Variants in KRT32 observed in about 807,000 individuals in gnomAD.
KRT32 encodes the protein keratin 32.
A neutral mutation model predicts 41.8 loss-of-function variants in KRT32; 44 were observed. The ratio of observed to expected loss-of-function variants is 1.05; its 90% confidence interval spans 0.83 to 1.35. The LOEUF is 1.35. Among genes scored for constraint, KRT32 ranks in the 40% most tolerant of loss-of-function variants. The pLI is 0.00. For synonymous variants in KRT32, 238 were observed against 242.5 expected (o/e 0.98, Z 0.17); for missense variants, 576 against 584.6 (o/e 0.99, Z 0.15).
At position 41,463,010 on chromosome 17, in the gene KRT32, C is replaced by T. The variant is rs933069187; in HGVS notation, c.1037G>A (p.Arg346His). Reference sequence around the variant, plus strand: ...CATCTGGGCCAGCTGGGAGCTGTAGCGGGCCTCACTCTCCGTCAGCGTGTT... The same window carrying T: ...CATCTGGGCCAGCTGGGAGCTGTAGTGGGCCTCACTCTCCGTCAGCGTGTT... ...LENTLTESEA[R>H]YSSQLAQMQC... Residue 346 changes from arginine to histidine, a missense_variant, in exon 6 of 7, where the codon CGC (arginine) becomes CAC (histidine). Coordinates refer to ENST00000225899, the MANE Select transcript of KRT32 (RefSeq NM_002278.3). The T allele has an allele frequency of 3.7e-6, 6 of 1,613,926 alleles. No individual in the cohort carries two copies. Among genetic ancestry groups the T allele is most frequent in the Non-Finnish European group, 5.1e-6 (6 of 1,179,940 alleles).
Position 41,465,779 on chromosome 17 carries a change from A to T in KRT32, c.702T>A (p.His234Gln), listed in dbSNP as rs751869334. ...GCGGGACTTCCAGCCTCACCTCCTCATGGTTCTTTTTGAGGCACATCAGCT... is the reference window on the plus strand; with the variant it reads ...GCGGGACTTCCAGCCTCACCTCCTCTTGGTTCTTTTTGAGGCACATCAGCT... ...KEELMCLKKN[H>Q]EEEVGSLRCQ... Residue 234 changes from histidine (H) to glutamine (Q), a missense_variant, in exon 3 of 7, where the codon CAT becomes CAA. By Grantham distance (24) the His-to-Gln change is conservative. Transcript: ENST00000225899. The T allele has an allele frequency of 6.2e-7, 1 of 1,609,958 alleles. No homozygotes were observed. Among genetic ancestry groups the T allele is most frequent in the Non-Finnish European group, 8.5e-7 (1 of 1,178,032 alleles).
intron 2 of KRT32, 66 bp from the exon 3 acceptor site, chr17:41,465,995 C>A: frequency 6.2e-7 from 1 of 1,601,918 alleles, no homozygotes; most frequent in Non-Finnish European, 8.5e-7. Flanking sequence ...AGGCCTTAAA[C>A]TGCCGGCACT....
chr17:41,466,386 G>T (rs1026469884), intron 1 of KRT32, among the ~76,000 whole-genome samples: 1 of 152,162 alleles, frequency 6.6e-6, no homozygotes, highest in African/African-American at 2.4e-5. Context: ...CTGAAGCTTC[G>T]TAAATTCAAA....
chr17:41,466,886 A>C lies in KRT32; in HGVS notation c.440T>G (p.Phe147Cys). 2 of 1,613,974 alleles carry C rather than the reference A, an allele frequency of 1.2e-6. No individual in the cohort carries two copies. Among genetic ancestry groups the C allele is most frequent in the Non-Finnish European group, 1.7e-6 (2 of 1,179,852 alleles). Residue 147 changes from phenylalanine to cysteine, a missense_variant, in exon 1 of 7, where the codon TTC becomes TGC. Phe to Cys is a radical substitution (Grantham distance 205). Coordinates refer to ENST00000225899, the MANE Select transcript of KRT32 (RefSeq NM_002278.3). ...CTGCTGGAGCTCCTCAATGGTCCTG[A>C]AATGAGACTGGTAGTCAGGAGTCAT... The part of the protein sequence containing the change: ...LTMTPDYQSH[F>C]RTIEELQQKI...
Position 41,464,369 on chromosome 17 carries a change from C to G in KRT32, c.783G>C (p.Leu261=), listed in dbSNP as rs1381037138. The change falls in exon 4 of 7, where the codon CTG becomes CTC. Residue 261 remains leucine, a synonymous_variant. Coordinates refer to ENST00000225899, the MANE Select transcript of KRT32 (RefSeq NM_002278.3). ...ACCGCATCTCCTCCAGCACCCTGGTCAGGTCCACCGGGGGTGCAGCGTCCA... is the reference window on the plus strand; with the variant it reads ...ACCGCATCTCCTCCAGCACCCTGGTGAGGTCCACCGGGGGTGCAGCGTCCA... ...IEVDAAPPVD[L]TRVLEEMRCQ... 6 of 1,612,316 alleles carry G rather than the reference C, an allele frequency of 3.7e-6. No homozygotes were observed. Among genetic ancestry groups the G allele is most frequent in the Non-Finnish European group, 1.7e-6 (2 of 1,179,072 alleles).
chr17:41,467,167 G>A lies in KRT32; in HGVS notation c.159C>T (p.Pro53=), dbSNP rs2019078789. Residue 53 remains proline (P), a synonymous_variant, in exon 1 of 7, where the codon CCC becomes CCT. Coordinates refer to ENST00000225899, the MANE Select transcript of KRT32 (RefSeq NM_002278.3). ...PMACLPSVCL[P]TTFRPASCLS... ...GGCAGCTGGCTGGCCGGAAGGTGGT[G>A]GGCAGGCAGACCGAAGGCAGGCATG... The A allele has an allele frequency of 1.9e-6, 3 of 1,614,084 alleles. No individual in the cohort carries two copies. The highest frequency in any genetic ancestry group is 1.3e-5 in the African/African-American group (1 of 75,070).
intron 3 of KRT32, among the ~76,000 whole-genome samples, chr17:41,464,654 T>C (rs2019047708): frequency 6.6e-6 from 1 of 152,124 alleles, no homozygotes; most frequent in African/African-American, 2.4e-5. Context: ...ACACAACACT[T>C]CCTATCACTT....
chr17:41,460,106 G>A lies in KRT32; in HGVS notation c.*4C>T, dbSNP rs1438470767. The A allele has an allele frequency of 2.5e-6, 4 of 1,600,008 alleles. No homozygotes were observed. In the East Asian group the frequency reaches 9.0e-5, roughly 36 times the overall value. Reference sequence around the variant, plus strand: ...CCTCCAGGATCCACTGGCACAAAGGGACTTCAGTAGCGGCCCTGGGGGCAG... The same window carrying A: ...CCTCCAGGATCCACTGGCACAAAGGAACTTCAGTAGCGGCCCTGGGGGCAG... On this transcript the variant is annotated 3_prime_UTR_variant, in exon 7 of 7. Coordinates refer to ENST00000225899, the MANE Select transcript of KRT32 (RefSeq NM_002278.3).
rs1163393704 is a variant in KRT32 at position 41,467,103 on chromosome 17, T to C, written c.223A>G (p.Ser75Gly). Residue 75 changes from serine to glycine, a missense_variant, in exon 1 of 7, where the codon AGT (serine) becomes GGT (glycine). Transcript: ENST00000225899. ...GGGCCCATGGAGCCGGAGATGCCAC[T>C]GGCTGCCTGGCAGGAACTGGATAGA... Reference protein sequence around the residue: ...TYLSSSCQAASGISGSMGPGS... With the variant: ...TYLSSSCQAAGGISGSMGPGS... 7.4e-6 allele frequency: 12 copies of C among 1,614,194 alleles called. No homozygotes were observed. The highest frequency in any genetic ancestry group is 1.0e-5 in the Non-Finnish European group (12 of 1,180,028).
chr17:41,467,117 G>A lies in KRT32; in HGVS notation c.209C>T (p.Ser70Phe), dbSNP rs1405320045. 1.9e-6 allele frequency: 3 copies of A among 1,614,082 alleles called. No homozygotes were observed. Among genetic ancestry groups the A allele is most frequent in the Admixed American group, 1.7e-5 (1 of 60,014 alleles). Residue 70 changes from serine (S) to phenylalanine (F), a missense_variant, in exon 1 of 7, where the codon TCC becomes TTC. By Grantham distance (155) the Ser-to-Phe change is radical. Coordinates refer to ENST00000225899, the MANE Select transcript of KRT32 (RefSeq NM_002278.3). ...SCLSKTYLSSSCQAASGISGS... is the reference protein window; with the variant it reads ...SCLSKTYLSSFCQAASGISGS... ...GGAGATGCCACTGGCTGCCTGGCAG[G>A]AACTGGATAGATAGGTTTTGGAGAG...
At chr17:41,462,402 T>A (rs1373728523) in intron 6 of KRT32, among the ~76,000 whole-genome samples, 1 of 152,202 alleles carries the variant, frequency 6.6e-6, no homozygotes, top group Non-Finnish European at 1.5e-5. Context: ...GAGGTGAGGC[T>A]GGGGTAAGAG....
At position 41,463,218 on chromosome 17, in the gene KRT32, T is replaced by A. The variant is rs148188813; in HGVS notation, c.997-168A>T. On this transcript the variant is annotated intron_variant, in intron 5 of 6. Coordinates refer to ENST00000225899, the MANE Select transcript of KRT32 (RefSeq NM_002278.3). Reference sequence around the variant, plus strand: ...AAAGGTCAAATGACTTGTTCAAGGGTAAACAGCTGGTACATTATGGAACCA... The same window carrying A: ...AAAGGTCAAATGACTTGTTCAAGGGAAAACAGCTGGTACATTATGGAACCA... Among the ~76,000 whole-genome samples, 103 of 152,318 alleles carry A rather than the reference T, an allele frequency of 6.8e-4. 1 individual carries two copies. The highest frequency in any genetic ancestry group is 2.4e-3 in the African/African-American group (99 of 41,552).
Position 41,467,042 on chromosome 17 carries a change from T to A in KRT32, c.284A>T (p.Asn95Ile), listed in dbSNP as rs775357659. The change falls in exon 1 of 7, where the codon AAT (asparagine) becomes ATT (isoleucine). Residue 95 changes from asparagine to isoleucine, a missense_variant. Coordinates refer to ENST00000225899, the MANE Select transcript of KRT32 (RefSeq NM_002278.3). Reference protein sequence around the residue: ...SWYSEGAFNGNEKETMQFLND... With the variant: ...SWYSEGAFNGIEKETMQFLND... ...AAGGAACTGCATGGTTTCCTTCTCA[T>A]TGCCATTGAAGGCCCCTTCGCTGTA... 4 of 1,614,260 alleles carry A rather than the reference T, an allele frequency of 2.5e-6. No homozygotes were observed. In the Admixed American group the frequency reaches 6.7e-5, roughly 27 times the overall value.
intron 3 of KRT32, among the ~76,000 whole-genome samples, chr17:41,465,261 A>G (rs1227818746): frequency 1.3e-5 from 2 of 152,236 alleles, no homozygotes; most frequent in South Asian, 2.1e-4. Context: ...GGGCAAAAAG[A>G]GGAGACCACT....
chr17:41,465,713 T>C, intron 3 of KRT32, 60 bp downstream of exon 3: 1 of 1,558,312 alleles, frequency 6.4e-7, no homozygotes, highest in Admixed American at 1.8e-5. Context: ...TCCAACCCCA[T>C]ACCCCACGTT....
Position 41,459,570 on chromosome 17 carries a change from G to A in KRT32, c.*540C>T, listed in dbSNP as rs2018978925. On this transcript the variant is annotated 3_prime_UTR_variant, in exon 7 of 7. Transcript: ENST00000225899. ...TTCTCAATTACAGTAATTTGGCCTA[G>A]GTTTCTGGCATAATTATCTCCCTCC... 6.6e-6 allele frequency among the ~76,000 whole-genome samples: 1 copy of A among 152,144 alleles called. No individual in the cohort carries two copies. Among genetic ancestry groups the A allele is most frequent in the Non-Finnish European group, 1.5e-5 (1 of 68,028 alleles).
chr17:41,463,986 T>G, intron 5 of KRT32, 92 bp downstream of exon 5: 2 of 1,281,446 alleles, frequency 1.6e-6, no homozygotes, highest in Non-Finnish European at 2.0e-6. Flanking sequence ...GGCTGAAATC[T>G]GAGCCTCCTC....
chr17:41,466,214 T>A, intron 1 of KRT32, 38 bp from the exon 2 acceptor site: 6 of 1,572,438 alleles, frequency 3.8e-6, no homozygotes, highest in Non-Finnish European at 5.2e-6. Flanking sequence ...TAGTTCAGGA[T>A]GAGACGAAGC....
chr17:41,460,229 T>A lies in KRT32; in HGVS notation c.1228A>T (p.Asn410Tyr). 6.2e-7 allele frequency: 1 copy of A among 1,600,798 alleles called. No homozygotes were observed. The highest frequency in any genetic ancestry group is 8.5e-7 in the Non-Finnish European group (1 of 1,173,528). ...GTGCAGGAAGGAGTGGAGCATGGGTTACAGGGCAGCCTGCAGGAGAAAGTC... is the reference window on the plus strand; with the variant it reads ...GTGCAGGAAGGAGTGGAGCATGGGTAACAGGGCAGCCTGCAGGAGAAAGTC... Reference protein sequence around the residue: ...LENEDCKLPCNPCSTPSCTTC... With the variant: ...LENEDCKLPCYPCSTPSCTTC... Residue 410 changes from asparagine (N) to tyrosine (Y), a missense_variant, in exon 7 of 7, where the codon AAC becomes TAC. Transcript: ENST00000225899.
Sources: gnomAD v4.1 joint callset for allele counts (sites outside exome capture counted in the v4.1 genomes callset) on GRCh38, gnomAD v4.1.1 for gene constraint, MANE v1.5 for transcripts, NCBI Gene and HGNC (gene_info 2026-07-23, HGNC 2026-07-21) for gene names.